Variants in HNRNPLL observed in about 807,000 individuals in gnomAD.
HNRNPLL encodes the protein heterogeneous nuclear ribonucleoprotein L like, also known as heterogeneous nuclear ribonucleoprotein L-like.
HNRNPLL carries 25 observed loss-of-function variants against 67.1 expected under a neutral mutation model. The ratio of observed to expected loss-of-function variants is 0.37; its 90% CI spans 0.27 to 0.52. HNRNPLL has a LOEUF of 0.52. HNRNPLL is among the 20% of genes least tolerant of loss of function. The pLI, the probability that HNRNPLL is intolerant of heterozygous loss-of-function variation, is 0.90. For missense variants in HNRNPLL, 542 were observed against 673.9 expected (o/e 0.80, Z 2.17); for synonymous variants, 267 against 241.7 (o/e 1.10, Z -0.97).
intron 1 of HNRNPLL, among the ~76,000 whole-genome samples, chr2:38,597,178 T>G (rs1025598064): frequency 3.3e-5 from 5 of 152,224 alleles, no homozygotes; most frequent in African/African-American, 1.2e-4. Context: ...AAACATTAGT[T>G]GGCACATCCT....
rs557448283 is a variant in HNRNPLL at position 38,595,660 on chromosome 2, A to G, written c.190-4012T>C. Reference sequence around the variant, plus strand: ...GGAGTTTGAGATCAGCCTGGCCAACATGGTGAAACCACATCTCTACTAAAA... The same window carrying G: ...GGAGTTTGAGATCAGCCTGGCCAACGTGGTGAAACCACATCTCTACTAAAA... On this transcript the variant is annotated intron_variant, in intron 1 of 12. Transcript: ENST00000449105. Among the ~76,000 whole-genome samples the G allele has an allele frequency of 9.2e-5, 14 of 152,248 alleles. No homozygotes were observed. The South Asian group carries it at 2.5e-3, about 27-fold the overall frequency.
At chr2:38,576,066 T>C (rs957520384) in intron 7 of HNRNPLL, among the ~76,000 whole-genome samples, 5 of 151,766 alleles carry the variant, frequency 3.3e-5, no homozygotes, top group Admixed American at 6.6e-5. Context: ...TTTGGCAGGG[T>C]ATATAACAGC....
chr2:38,598,430 T>C (rs1249728682), intron 1 of HNRNPLL, among the ~76,000 whole-genome samples: 1 of 152,218 alleles, frequency 6.6e-6, no homozygotes, highest in African/African-American at 2.4e-5. Context: ...GCTTTCCCAG[T>C]TACATGGGCC....
At chr2:38,584,720 A>C (rs2148363912) in intron 3 of HNRNPLL, among the ~76,000 whole-genome samples, 1 of 152,314 alleles carries the variant, frequency 6.6e-6, no homozygotes, top group South Asian at 2.1e-4. Flanking sequence ...CCATACAGTT[A>C]CATGTCACTA....
chr2:38,595,523 A>C (rs1211164033), intron 1 of HNRNPLL, among the ~76,000 whole-genome samples: 2 of 152,078 alleles, frequency 1.3e-5, no homozygotes, highest in Non-Finnish European at 2.9e-5. Context: ...AAGTGGAATA[A>C]AGTGAAACCA....
At chr2:38,565,585 G>A (rs1558527248) in intron 12 of HNRNPLL, among the ~76,000 whole-genome samples, 2 of 151,764 alleles carry the variant, frequency 1.3e-5, no homozygotes, top group Admixed American at 6.6e-5. Flanking sequence ...CCAATAAGCT[G>A]GATGTGGTGT....
In HNRNPLL at chr2:38,602,823, A is replaced by T. The variant is rs1478780874; in HGVS notation, c.-197T>A. 1 of 1,546,392 alleles carries T rather than the reference A, an allele frequency of 6.5e-7. No homozygotes were observed. The highest frequency in any genetic ancestry group is 8.7e-7 in the Non-Finnish European group (1 of 1,145,298). On this transcript the variant is annotated 5_prime_UTR_variant, in exon 1 of 13. Coordinates refer to ENST00000449105, the MANE Select transcript of HNRNPLL (RefSeq NM_138394.4). ...GACGGACTGAGGGGGGCGCCCCGGG[A>T]GGAAGCTCTGGAGCGGCCGCTCCTC...
Position 38,585,726 on chromosome 2 carries a change from C to T in HNRNPLL, c.464G>A (p.Arg155Gln). 6.2e-7 allele frequency: 1 copy of T among 1,613,850 alleles called. No individual in the cohort carries two copies. Among genetic ancestry groups the T allele is most frequent in the Non-Finnish European group, 8.5e-7 (1 of 1,179,842 alleles). Residue 155 changes from arginine to glutamine, a missense_variant, in exon 3 of 13, where the codon CGG becomes CAG. By Grantham distance (43) the Arg-to-Gln change is conservative. This residue lies in a region of HNRNPLL where 415 missense variants were observed against 575.2 expected (regional missense o/e 0.72). Transcript: ENST00000449105. ...TGATGGATCATCAGTATTTCCTGGC[C>T]GAGTGATCCTTTTGCTTGTAGAATA... ...FNYSTSKRIT[R>Q]PGNTDDPSGG... is the part of the protein sequence containing the mutation.
chr2:38,586,483 G>C (rs1174962381), intron 2 of HNRNPLL, among the ~76,000 whole-genome samples: 2 of 152,180 alleles, frequency 1.3e-5, no homozygotes, highest in Non-Finnish European at 2.9e-5. Flanking sequence ...CTCCGAAGCA[G>C]TATTAGAAAA....
At position 38,602,423 on chromosome 2, in the gene HNRNPLL, G is replaced by T. The variant is rs1402058879; in HGVS notation, c.189+15C>A. On this transcript the variant is annotated intron_variant, in intron 1 of 12. Transcript: ENST00000449105. ...GCAGCCAGGCACAGCGGACAGGGGG[G>T]CCGCGCTTTGTTACCGGCTGAGAGA... 2 of 1,542,642 alleles carry T rather than the reference G, an allele frequency of 1.3e-6. No homozygotes were observed. The highest frequency in any genetic ancestry group is 1.9e-5 in the Admixed American group (1 of 52,096).
chr2:38,583,697 A>C, intron 4 of HNRNPLL, 144 bp downstream of exon 4: 1 of 481,538 alleles, frequency 2.1e-6, no homozygotes, highest in Non-Finnish European at 3.8e-6. Flanking sequence ...CCCTATGAGT[A>C]CTGCAGTTTC....
In HNRNPLL at chr2:38,569,942, C is replaced by A; in HGVS notation, c.1093-17G>T. The A allele has an allele frequency of 1.9e-6, 3 of 1,558,322 alleles. No homozygotes were observed. The highest frequency in any genetic ancestry group is 1.4e-5 in the African/African-American group (1 of 72,224). On this transcript the variant is annotated splice_polypyrimidine_tract_variant and intron_variant, in intron 8 of 12. Coordinates refer to ENST00000449105, the MANE Select transcript of HNRNPLL (RefSeq NM_138394.4). ...AAATTTTACCTGTAAACACAAAATT[C>A]CAAAAAGGTGACCATTTAATTCCCT...
intron 12 of HNRNPLL, among the ~76,000 whole-genome samples, chr2:38,565,231 G>A (rs1047396299): frequency 5.9e-5 from 9 of 152,060 alleles, no homozygotes; most frequent in African/African-American, 1.9e-4. Context: ...GCATCAACAA[G>A]TGTGTACAAG....
intron 2 of HNRNPLL, among the ~76,000 whole-genome samples, chr2:38,587,520 T>C (rs939392338): frequency 6.6e-6 from 1 of 152,168 alleles, no homozygotes; most frequent in South Asian, 2.1e-4. Context: ...AATTTAAAAG[T>C]GCAAGATATA....
At chr2:38,594,748 G>A (rs916494144) in intron 1 of HNRNPLL, among the ~76,000 whole-genome samples, 1 of 151,672 alleles carries the variant, frequency 6.6e-6, no homozygotes, top group Non-Finnish European at 1.5e-5. Flanking sequence ...TCAGGAGTTC[G>A]AGATCAACCT....
At position 38,586,082 on chromosome 2, in the gene HNRNPLL, C is replaced by T. The variant is rs1049368840; in HGVS notation, c.309-201G>A. 9.9e-5 allele frequency among the ~76,000 whole-genome samples: 15 copies of T among 151,248 alleles called. No individual in the cohort carries two copies. The East Asian group carries it at 1.2e-3, about 12-fold the overall frequency. On this transcript the variant is annotated intron_variant, in intron 2 of 12. Transcript: ENST00000449105. ...TGTCGCCCAGGCTGGAGTGCAGTGGCGCAATCTAGGCTCACTGCAAGCTCC... is the reference window on the plus strand; with the variant it reads ...TGTCGCCCAGGCTGGAGTGCAGTGGTGCAATCTAGGCTCACTGCAAGCTCC...
chr2:38,593,007 C>T (rs1005205541), intron 1 of HNRNPLL, among the ~76,000 whole-genome samples: 5 of 152,088 alleles, frequency 3.3e-5, no homozygotes, highest in Admixed American at 6.5e-5. Flanking sequence ...AAATTTATGT[C>T]ACAACTGAAA....
intron 1 of HNRNPLL, among the ~76,000 whole-genome samples, chr2:38,600,314 T>G (rs1432108895): frequency 2.0e-5 from 3 of 152,222 alleles, no homozygotes; most frequent in African/African-American, 7.2e-5. Flanking sequence ...AAAGCAGCAT[T>G]AGCATTACGT....
At position 38,582,814 on chromosome 2, in the gene HNRNPLL, G is replaced by C. The variant is rs536737178; in HGVS notation, c.633-646C>G. Among the ~76,000 whole-genome samples the C allele has an allele frequency of 3.4e-4, 51 of 151,788 alleles. 3 individuals carry two copies. In the South Asian group the frequency reaches 0.01, roughly 31 times the overall value. On this transcript the variant is annotated intron_variant, in intron 4 of 12. Transcript: ENST00000449105. ...AGGTGCCTGTCATCCCAGCTACTTG[G>C]GAGGCTGAGACACGGGAATCACTTG...
Sources: gnomAD v4.1 joint callset for allele counts (sites outside exome capture counted in the v4.1 genomes callset) on GRCh38, gnomAD v4.1.1 for gene constraint, gnomAD v4.1.1 regional missense constraint, MANE v1.5 for transcripts, NCBI Gene and HGNC (gene_info 2026-07-23, HGNC 2026-07-21) for gene names.